Variants in SOX5 observed in about 807,000 individuals in gnomAD.
SOX5 encodes the protein transcription factor SOX-5.
SOX5 carries 9 observed loss-of-function variants against 92.0 expected under a neutral mutation model. The ratio of observed to expected loss-of-function variants is 0.10; its 90% CI spans 0.06 to 0.17. The LOEUF (loss-of-function observed/expected upper bound fraction) is 0.17, where lower values mean the gene tolerates loss of function less well. Ranked by LOEUF, SOX5 falls within the 10% of genes least tolerant of loss-of-function variation. The pLI is 1.00. For missense variants in SOX5, 642 were observed against 944.5 expected (o/e 0.68, Z 4.20); for synonymous variants, 344 against 336.3 (o/e 1.02, Z -0.25).
intron 6 of SOX5, among the ~76,000 whole-genome samples, chr12:23,679,109 A>G (rs923606726): frequency 6.6e-6 from 1 of 152,178 alleles, no homozygotes; most frequent in Non-Finnish European, 1.5e-5. Context: ...CATAATAACC[A>G]ATAAACTTTT....
chr12:24,188,346 A>G (rs1337074381), intron 4 of SOX5, among the ~76,000 whole-genome samples: 13 of 152,298 alleles, frequency 8.5e-5, no homozygotes, highest in Admixed American at 7.9e-4. Context: ...TGTTTATCCA[A>G]TCTATTTTTA....
chr12:23,896,906 C>G (rs1034621860), intron 1 of SOX5, among the ~76,000 whole-genome samples: 1 of 151,870 alleles, frequency 6.6e-6, no homozygotes, highest in Non-Finnish European at 1.5e-5. Context: ...GATAATTGAA[C>G]AAGAATTAAA....
chr12:23,666,371 A>C (rs1203945834), intron 6 of SOX5, among the ~76,000 whole-genome samples: 1 of 152,202 alleles, frequency 6.6e-6, no homozygotes. Context: ...CACATTAGTT[A>C]ATAAATAATC....
At chr12:24,286,706 T>G (rs140864670) in intron 2 of SOX5, among the ~76,000 whole-genome samples, 1 of 152,232 alleles carries the variant, frequency 6.6e-6, no homozygotes, top group Non-Finnish European at 1.5e-5. Flanking sequence ...TCTGGCAGGA[T>G]TATGGGGACA....
intron 2 of SOX5, among the ~76,000 whole-genome samples, chr12:23,857,393 A>G (rs1595095829): frequency 6.6e-6 from 1 of 152,212 alleles, no homozygotes; most frequent in Non-Finnish European, 1.5e-5. Context: ...ACCATGACAC[A>G]TATGTGACAA....
At chr12:24,433,125 A>G (rs191210080) in intron 1 of SOX5, among the ~76,000 whole-genome samples, 1 of 152,234 alleles carries the variant, frequency 6.6e-6, no homozygotes, top group Non-Finnish European at 1.5e-5. Flanking sequence ...TGAAGATAGA[A>G]TTTTAGCTAG....
At chr12:24,117,395 G>GCAA (rs1461449840) in intron 4 of SOX5, among the ~76,000 whole-genome samples, 3 of 152,172 alleles carry the variant, frequency 2.0e-5, no homozygotes, top group Non-Finnish European at 4.4e-5. Flanking sequence ...TTGGAGAACA[G>GCAA]TATGGAGGTT....
chr12:24,393,394 C>T lies in SOX5; in HGVS notation c.-250-24755G>A, dbSNP rs540732480. On this transcript the variant is annotated intron_variant, in intron 1 of 4. Coordinates refer to the SOX5 transcript ENST00000446891. The surrounding 1 kb of genome is among the most constrained non-coding windows in gnomAD (Gnocchi z 5.0). Reference sequence around the variant, plus strand: ...GACACAATTACAGGCCAATCAGGGTCGGAGATAACAGAATGACAATCCAGT... The same window carrying T: ...GACACAATTACAGGCCAATCAGGGTTGGAGATAACAGAATGACAATCCAGT... 1.1e-4 allele frequency among the ~76,000 whole-genome samples: 16 copies of T among 152,210 alleles called. No individual in the cohort carries two copies. The highest frequency in any genetic ancestry group is 4.2e-4 in the South Asian group (2 of 4,816).
chr12:23,804,916 TATATATATATATA>T lies in SOX5; in HGVS notation c.481+41054_481+41066del, dbSNP rs1268328014. Among the ~76,000 whole-genome samples the T allele has an allele frequency of 9.1e-4, 3 of 3,300 alleles. 1 individual carries two copies. The highest frequency in any genetic ancestry group is 1.4e-3 in the Non-Finnish European group (1 of 694). 2.2% of individuals were successfully genotyped at this position (3,300 alleles called of 152,430 possible). A position where few individuals can be genotyped will look rare whatever the true frequency, so the allele number is the denominator to read the frequency against. On this transcript the variant is annotated intron_variant, in intron 3 of 14. Coordinates refer to ENST00000451604, the MANE Select transcript of SOX5 (RefSeq NM_006940.6). Reference sequence around the variant, plus strand: ...TTTCTCTATTTACCTATCATTGTTTTATATATATATATATATATATATATATATATATATATAT... The same window carrying T: ...TTTCTCTATTTACCTATCATTGTTTTTATATATATATATATATATATATAT...
At chr12:23,867,188 T>G (rs1017235002) in intron 2 of SOX5, among the ~76,000 whole-genome samples, 1 of 152,190 alleles carries the variant, frequency 6.6e-6, no homozygotes. Flanking sequence ...AAGTCTCACA[T>G]TTCCATCTCA....
chr12:24,325,155 T>A lies in SOX5; in HGVS notation c.-174+43408A>T, dbSNP rs116136594. 3.4e-5 allele frequency among the ~76,000 whole-genome samples: 5 copies of A among 146,298 alleles called. 1 individual carries two copies. The highest frequency in any genetic ancestry group is 1.3e-4 in the African/African-American group (5 of 39,976). On this transcript the variant is annotated intron_variant, in intron 2 of 4. Transcript: ENST00000446891. ...TAAAAAATTATTTGTAAAAATAAGT[T>A]AAAAAAAAAACCCTAAAAAAGAAAG...
intron 3 of SOX5, among the ~76,000 whole-genome samples, chr12:23,800,886 G>T (rs550114154): frequency 6.6e-6 from 1 of 152,200 alleles, no homozygotes; most frequent in African/African-American, 2.4e-5. Flanking sequence ...ATTGCAATAG[G>T]AAATTAGATA....
At chr12:23,813,127 A>G (rs1292278383) in intron 3 of SOX5, among the ~76,000 whole-genome samples, 1 of 152,164 alleles carries the variant, frequency 6.6e-6, no homozygotes, top group Non-Finnish European at 1.5e-5. Context: ...TGTATCGGGC[A>G]TACAACAATA....
At chr12:24,003,384 G>A (rs1023653524) in intron 4 of SOX5, among the ~76,000 whole-genome samples, 4 of 151,560 alleles carry the variant, frequency 2.6e-5, no homozygotes, top group Non-Finnish European at 5.9e-5. Context: ...TTCTTCTCGG[G>A]GTGTTTGATC....
chr12:23,858,022 C>T (rs1048289207), intron 2 of SOX5, among the ~76,000 whole-genome samples: 4 of 152,128 alleles, frequency 2.6e-5, no homozygotes, highest in Non-Finnish European at 4.4e-5. Flanking sequence ...GCATGAGCCA[C>T]CATTCCCGGC....
At chr12:23,907,974 G>A (rs2097311113) in intron 1 of SOX5, among the ~76,000 whole-genome samples, 4 of 151,898 alleles carry the variant, frequency 2.6e-5, no homozygotes, top group Admixed American at 2.6e-4. Flanking sequence ...TTCTTATCTG[G>A]GATTCTTCCT....
intron 1 of SOX5, among the ~76,000 whole-genome samples, chr12:24,420,759 A>C (rs1330432764): frequency 6.6e-6 from 1 of 152,186 alleles, no homozygotes; most frequent in Non-Finnish European, 1.5e-5. Context: ...TAATGAATCT[A>C]AGTAGTGAGT....
chr12:23,950,813 T>C, upstream of SOX5: 2 of 1,478,350 alleles, frequency 1.4e-6, no homozygotes, highest in South Asian at 1.2e-5. Context: ...AATCAGGTAA[T>C]GTACCTTTGA....
intron 1 of SOX5, among the ~76,000 whole-genome samples, chr12:24,413,282 T>A (rs1260139394): frequency 6.6e-6 from 1 of 152,248 alleles, no homozygotes; most frequent in Non-Finnish European, 1.5e-5. Context: ...GGTGGAGCAA[T>A]GTCTTAATAA....
Sources: allele counts gnomAD v4.1 joint callset (sites outside exome capture counted in the v4.1 genomes callset), GRCh38; gene constraint gnomAD v4.1.1; non-coding constraint Gnocchi (gnomAD v3.1); transcripts MANE v1.5; gene names NCBI Gene and HGNC (gene_info 2026-07-23, HGNC 2026-07-21).